The following RBMS1 variants were observed in gnomAD, a reference collection of about 807,000 sequenced individuals.
RBMS1 encodes RNA binding motif single stranded interacting protein 1.
RBMS1 carries 17 observed loss-of-function variants against 62.3 expected under a neutral mutation model. The observed-to-expected ratio is 0.27, with a 90% confidence interval of 0.19 to 0.41. The LOEUF (loss-of-function observed/expected upper bound fraction) is 0.41. Ranked by LOEUF, RBMS1 falls within the 10% of genes least tolerant of loss-of-function variation. RBMS1 has a pLI of 1.00. For missense variants in RBMS1, 334 were observed against 504.5 expected (o/e 0.66, Z 3.24); for synonymous variants, 172 against 170.0 (o/e 1.01, Z -0.09).
intron 1 of RBMS1, among the ~76,000 whole-genome samples, chr2:160,477,120 C>T (rs1685175566): frequency 6.6e-6 from 1 of 152,112 alleles, no homozygotes; most frequent in African/African-American, 2.4e-5. Context: ...AAGCAGTCTC[C>T]ATTTTTTAAG....
chr2:160,296,333 T>C (rs954187087), intron 6 of RBMS1, among the ~76,000 whole-genome samples: 4 of 152,226 alleles, frequency 2.6e-5, no homozygotes, highest in Non-Finnish European at 4.4e-5. Flanking sequence ...TGTAAGCAGT[T>C]CAACTTCAGA....
At chr2:160,285,840 G>A (rs1204366236) in intron 7 of RBMS1, among the ~76,000 whole-genome samples, 2 of 151,966 alleles carry the variant, frequency 1.3e-5, no homozygotes, top group Non-Finnish European at 2.9e-5. Context: ...GGCCGAGCAC[G>A]ATGGTTCACG....
chr2:160,362,469 A>G (rs1693180323), intron 2 of RBMS1, among the ~76,000 whole-genome samples: 1 of 152,208 alleles, frequency 6.6e-6, no homozygotes, highest in South Asian at 2.1e-4. Context: ...CCTAATTTCA[A>G]TATTATATCT....
chr2:160,472,977 CA>C (rs1360886796), intron 1 of RBMS1, among the ~76,000 whole-genome samples: 1 of 152,186 alleles, frequency 6.6e-6, no homozygotes, highest in Non-Finnish European at 1.5e-5. Flanking sequence ...AAGGGCCACT[CA>C]ACTATGTTGT....
At chr2:160,299,436 TCCC>T (rs1486803931) in intron 6 of RBMS1, among the ~76,000 whole-genome samples, 7 of 152,132 alleles carry the variant, frequency 4.6e-5, no homozygotes, top group Non-Finnish European at 8.8e-5. Context: ...TTTGCACGTT[TCCC>T]CCCATTTCGT....
chr2:160,474,431 A>G (rs750262160), intron 1 of RBMS1, among the ~76,000 whole-genome samples: 1 of 152,200 alleles, frequency 6.6e-6, no homozygotes, highest in Non-Finnish European at 1.5e-5. Context: ...TTCTTTACTG[A>G]TATGACTGCA....
At chr2:160,287,114 C>T (rs566584706) in intron 6 of RBMS1, 30 bp from the exon 7 acceptor site, 1 of 1,611,392 alleles carries the variant, frequency 6.2e-7, no homozygotes, top group South Asian at 1.1e-5. Context: ...TAAAATGAAA[C>T]CACAATGATA....
intron 1 of RBMS1, among the ~76,000 whole-genome samples, chr2:160,473,290 T>C (rs185422051): frequency 1.3e-5 from 2 of 152,340 alleles, no homozygotes; most frequent in East Asian, 3.9e-4. Context: ...AAAAGTAATC[T>C]ATTACAGATT....
At chr2:160,314,219 G>A (rs73000606) in intron 3 of RBMS1, among the ~76,000 whole-genome samples, 1,955 of 152,212 alleles carry the variant, frequency 0.013, 48 homozygotes, top group African/African-American at 0.043. Context: ...GAGTATCACC[G>A]TATCAAAATA....
At chr2:160,439,609 G>T (rs1446866862) in intron 1 of RBMS1, among the ~76,000 whole-genome samples, 2 of 150,508 alleles carry the variant, frequency 1.3e-5, no homozygotes, top group Non-Finnish European at 3.0e-5. Context: ...CATCCCAGAC[G>T]ATGGGCGGCC....
At chr2:160,448,925 G>T (rs1227058695) in intron 1 of RBMS1, among the ~76,000 whole-genome samples, 1 of 151,004 alleles carries the variant, frequency 6.6e-6, no homozygotes, top group Admixed American at 6.6e-5. Flanking sequence ...GGGATGTGAG[G>T]AGTGCCTCTG....
chr2:160,485,196 AGAGGGCTCT>A (rs1356317598), intron 1 of RBMS1, among the ~76,000 whole-genome samples: 1 of 152,220 alleles, frequency 6.6e-6, no homozygotes, highest in Non-Finnish European at 1.5e-5. Context: ...CTAGAAGTGA[AGAGGGCTCT>A]CAGGGGACCC....
chr2:160,388,036 G>T (rs564980597), intron 1 of RBMS1, among the ~76,000 whole-genome samples: 1 of 152,256 alleles, frequency 6.6e-6, no homozygotes, highest in African/African-American at 2.4e-5. Flanking sequence ...GCCAAACAGG[G>T]TTCCAACTAA....
chr2:160,398,988 C>T (rs1695298870), intron 1 of RBMS1, among the ~76,000 whole-genome samples: 1 of 152,134 alleles, frequency 6.6e-6, no homozygotes, highest in Non-Finnish European at 1.5e-5. Context: ...CTGCTCTCAC[C>T]CATTTTAGCA....
At chr2:160,378,607 A>T (rs897503335) in intron 1 of RBMS1, among the ~76,000 whole-genome samples, 4 of 141,702 alleles carry the variant, frequency 2.8e-5, no homozygotes, top group African/African-American at 1.0e-4. Flanking sequence ...CCAAAGTAAG[A>T]CTCTATCTAT....
At chr2:160,282,812 A>T (rs1411870904) in intron 9 of RBMS1, 1 of 153,246 alleles carries the variant, frequency 6.5e-6, no homozygotes, top group African/African-American at 2.4e-5. Context: ...ACACACAAGC[A>T]ACATTTTGCA....
At chr2:160,287,322 T>A (rs1688452463) in intron 6 of RBMS1, among the ~76,000 whole-genome samples, 1 of 152,218 alleles carries the variant, frequency 6.6e-6, no homozygotes, top group Non-Finnish European at 1.5e-5. Context: ...AGCAAAGGAA[T>A]CTTTCGATTC....
rs72998729 is a variant in RBMS1, at chr2:160,287,647, T to C, written c.641-563A>G. ...TATACGCCCCATGGGGGCAGTAACA[T>C]TGTCTGTTTTGTCTATCACTGTATC... On this transcript the variant is annotated intron_variant, in intron 6 of 13. Coordinates refer to ENST00000348849, the MANE Select transcript of RBMS1 (RefSeq NM_016836.4). 4.3e-3 allele frequency among the ~76,000 whole-genome samples: 655 copies of C among 152,370 alleles called. 2 individuals carry two copies. Among genetic ancestry groups the C allele is most frequent in the African/African-American group, 0.015 (628 of 41,594 alleles).
rs1687796931 is a variant in RBMS1, at chr2:160,275,655, G to C, written c.1203C>G (p.Thr401=). Residue 401 remains threonine, a synonymous_variant, in exon 13 of 14, where the codon ACC becomes ACG. Coordinates refer to ENST00000348849, the MANE Select transcript of RBMS1 (RefSeq NM_016836.4). ...CTCACAGTTACTTATTAGGTTGAAAGGTATATGGAGAATGGTCATTAGACG... is the reference window on the plus strand; with the variant it reads ...CTCACAGTTACTTATTAGGTTGAAACGTATATGGAGAATGGTCATTAGACG... ...VETSNDHSPY[T]FQPNK 1 of 1,613,524 alleles carries C rather than the reference G, an allele frequency of 6.2e-7. No homozygotes were observed. The highest frequency in any genetic ancestry group is 1.3e-5 in the African/African-American group (1 of 74,886).
Sources: allele counts gnomAD v4.1 joint callset (sites outside exome capture counted in the v4.1 genomes callset), GRCh38; gene constraint gnomAD v4.1.1; transcripts MANE v1.5; gene names NCBI Gene and HGNC (gene_info 2026-07-23, HGNC 2026-07-21).